The following RYR2 variants were observed in gnomAD, a reference collection of about 807,000 sequenced individuals.
The protein encoded by RYR2 is ryanodine receptor 2, also known as cardiac muscle ryanodine receptor-calcium release channel.
A neutral mutation model predicts 601.1 loss-of-function variants in RYR2; 227 were observed. That is an observed-to-expected ratio of 0.38 (90% CI 0.34 to 0.42). The LOEUF (loss-of-function observed/expected upper bound fraction) is 0.42, where lower values mean the gene tolerates loss of function less well. Among genes scored for constraint, RYR2 ranks in the 10% least tolerant of loss-of-function variants. The pLI, the probability that RYR2 is intolerant of heterozygous loss-of-function variation, is 1.00. For missense variants in RYR2, 4,646 were observed against 6,156.5 expected (o/e 0.75, Z 8.21); for synonymous variants, 2,223 against 2,175.1 (o/e 1.02, Z -0.61).
At chr1:237,049,017 G>T (rs1214837482) in intron 1 of RYR2, among the ~76,000 whole-genome samples, 1 of 152,166 alleles carries the variant, frequency 6.6e-6, no homozygotes. Flanking sequence ...GTTGGTGGGT[G>T]AAATTCTGAG....
chr1:237,374,864 G>T, intron 7 of RYR2, 69 bp downstream of exon 7: 1 of 1,173,880 alleles, frequency 8.5e-7, no homozygotes, highest in South Asian at 1.3e-5. Context: ...GGAAGAAGCC[G>T]GGAAATACGA....
intron 87 of RYR2, among the ~76,000 whole-genome samples, chr1:237,776,478 A>G (rs916405734): frequency 2.0e-5 from 3 of 152,138 alleles, no homozygotes; most frequent in East Asian, 1.9e-4. Flanking sequence ...TCACTTTGTC[A>G]CAAGAATAAT....
At chr1:237,275,058 A>G (rs1455803737) in intron 2 of RYR2, among the ~76,000 whole-genome samples, 2 of 151,880 alleles carry the variant, frequency 1.3e-5, no homozygotes, top group African/African-American at 4.8e-5. Context: ...GTATATATAT[A>G]TCATCCATGG....
At chr1:237,144,784 C>T (rs1673801681) in intron 1 of RYR2, among the ~76,000 whole-genome samples, 1 of 152,172 alleles carries the variant, frequency 6.6e-6, no homozygotes, top group Non-Finnish European at 1.5e-5. Context: ...ATGTTTGATA[C>T]ATACACAATA....
chr1:237,310,177 C>T (rs778967113), intron 2 of RYR2, among the ~76,000 whole-genome samples: 2 of 152,142 alleles, frequency 1.3e-5, no homozygotes, highest in Admixed American at 6.5e-5. Flanking sequence ...AGATTGGGAG[C>T]GCTTTTCTGT....
intron 2 of RYR2, among the ~76,000 whole-genome samples, chr1:237,299,572 T>A (rs546375280): frequency 6.6e-6 from 1 of 152,280 alleles, no homozygotes; most frequent in East Asian, 1.9e-4. Flanking sequence ...AAGATGCTTT[T>A]CCCACATCCA....
At chr1:237,748,709 T>C (rs1692288646) in intron 80 of RYR2, among the ~76,000 whole-genome samples, 1 of 152,198 alleles carries the variant, frequency 6.6e-6, no homozygotes, top group Non-Finnish European at 1.5e-5. Context: ...ATATGGTAAT[T>C]CATGCATATG....
intron 17 of RYR2, among the ~76,000 whole-genome samples, chr1:237,480,407 C>G (rs1182340800): frequency 6.9e-6 from 1 of 145,304 alleles, no homozygotes. Flanking sequence ...AAAAGAATAT[C>G]TTGAAGTATT....
intron 16 of RYR2, among the ~76,000 whole-genome samples, chr1:237,460,524 A>G (rs1659355707): frequency 6.6e-6 from 1 of 152,228 alleles, no homozygotes; most frequent in African/African-American, 2.4e-5. Flanking sequence ...ACTGAATTCT[A>G]ATCAGAATGC....
In RYR2 at chr1:237,272,291, G is replaced by A. The variant is rs140441331; in HGVS notation, c.168+1675G>A. On this transcript the variant is annotated intron_variant, in intron 2 of 104. Transcript: ENST00000366574. Reference sequence around the variant, plus strand: ...TCCTCTGAGGAGAAATTGCAGGGGCGATAGAGGCAAAGGATAGAGAAGGAT... The same window carrying A: ...TCCTCTGAGGAGAAATTGCAGGGGCAATAGAGGCAAAGGATAGAGAAGGAT... 1.6e-3 allele frequency among the ~76,000 whole-genome samples: 244 copies of A among 151,578 alleles called. 1 individual carries two copies. The highest frequency in any genetic ancestry group is 5.1e-3 in the African/African-American group (209 of 41,352).
At chr1:237,330,264 A>G (rs1420518748) in intron 2 of RYR2, among the ~76,000 whole-genome samples, 4 of 152,238 alleles carry the variant, frequency 2.6e-5, no homozygotes, top group Non-Finnish European at 4.4e-5. Context: ...CTTACTATAG[A>G]TGACCACAGG....
At position 237,106,193 on chromosome 1, in the gene RYR2, C is replaced by G. The variant is rs1668662903; in HGVS notation, c.48+63624C>G. 6.6e-6 allele frequency among the ~76,000 whole-genome samples: 1 copy of G among 152,148 alleles called. No homozygotes were observed. The highest frequency in any genetic ancestry group is 1.5e-5 in the Non-Finnish European group (1 of 68,034). Reference sequence around the variant, plus strand: ...CTGAGGGGTAGCTCGTTCTGATTTTCATTCTGAAAAGACCCGTCTGGCCAC... The same window carrying G: ...CTGAGGGGTAGCTCGTTCTGATTTTGATTCTGAAAAGACCCGTCTGGCCAC... On this transcript the variant is annotated intron_variant, in intron 1 of 104. Coordinates refer to ENST00000366574, the MANE Select transcript of RYR2 (RefSeq NM_001035.3). This position sits in a 1 kb window ranked among gnomAD's most constrained non-coding sequence, Gnocchi z 4.4.
chr1:237,198,927 C>A (rs761517989), intron 1 of RYR2, among the ~76,000 whole-genome samples: 17 of 151,762 alleles, frequency 1.1e-4, no homozygotes, highest in Non-Finnish European at 2.1e-4. Flanking sequence ...TATAGGCTAA[C>A]CACTTTGGTT....
intron 1 of RYR2, among the ~76,000 whole-genome samples, chr1:237,255,898 C>T (rs1687919553): frequency 6.7e-6 from 1 of 149,718 alleles, no homozygotes; most frequent in Non-Finnish European, 1.5e-5. Context: ...TTAGTAATTT[C>T]ACAGCTCTAC....
intron 1 of RYR2, among the ~76,000 whole-genome samples, chr1:237,252,810 G>T (rs907465553): frequency 2.6e-5 from 4 of 152,122 alleles, no homozygotes; most frequent in African/African-American, 4.8e-5. Context: ...CAAACCCTGG[G>T]TGTGTCTATT....
intron 36 of RYR2, among the ~76,000 whole-genome samples, chr1:237,611,992 T>G (rs988702241): frequency 7.9e-5 from 12 of 152,098 alleles, no homozygotes; most frequent in African/African-American, 9.7e-5. Flanking sequence ...AGAAGCATTA[T>G]GAACAATAGT....
intron 1 of RYR2, among the ~76,000 whole-genome samples, chr1:237,242,132 A>T (rs1300560279): frequency 6.6e-6 from 1 of 152,202 alleles, no homozygotes; most frequent in Non-Finnish European, 1.5e-5. Context: ...TTACTGCTAG[A>T]TACACTATAG....
At chr1:237,579,235 ACTT>A (rs1414799847) in intron 29 of RYR2, among the ~76,000 whole-genome samples, 21 of 129,602 alleles carry the variant, frequency 1.6e-4, no homozygotes, top group African/African-American at 5.9e-4. Flanking sequence ...AGGATAATTT[ACTT>A]CTTCTTCTTC....
chr1:237,388,461 T>C (rs916462922), intron 10 of RYR2, among the ~76,000 whole-genome samples: 5 of 152,242 alleles, frequency 3.3e-5, no homozygotes, highest in African/African-American at 1.2e-4. Context: ...GTGACCACAT[T>C]GCATTAAACT....
Sources: allele counts gnomAD v4.1 joint callset (sites outside exome capture counted in the v4.1 genomes callset), GRCh38; gene constraint gnomAD v4.1.1; non-coding constraint Gnocchi (gnomAD v3.1); transcripts MANE v1.5; gene names NCBI Gene and HGNC (gene_info 2026-07-23, HGNC 2026-07-21).